The following GBP3 variants were observed in gnomAD, a reference collection of about 807,000 sequenced individuals.
GBP3 encodes guanylate-binding protein 3.
Under a neutral mutation model 62.4 loss-of-function variants are expected in GBP3, and 55 were observed. The observed-to-expected ratio is 0.88, with a 90% CI of 0.71 to 1.10. The LOEUF (loss-of-function observed/expected upper bound fraction) is 1.10, where lower values mean the gene tolerates loss of function less well. Among genes scored for constraint, GBP3 ranks in the 50% least tolerant of loss-of-function variants. GBP3 has a pLI of 0.00. For synonymous variants in GBP3, 208 were observed against 259.2 expected (o/e 0.80, Z 1.90); for missense variants, 605 against 690.6 (o/e 0.88, Z 1.39).
chr1:89,020,447 C>A, intron 2 of GBP3, 85 bp downstream of exon 2: 3 of 1,529,352 alleles, frequency 2.0e-6, no homozygotes, highest in Non-Finnish European at 2.7e-6. Context: ...CCAGTGCCAG[C>A]TTTCTCTCCT....
intron 3 of GBP3, among the ~76,000 whole-genome samples, chr1:89,015,030 T>A (rs1199034264): frequency 2.0e-5 from 3 of 152,206 alleles, no homozygotes; most frequent in African/African-American, 7.2e-5. Context: ...GCTCCCTTTA[T>A]GCATCTGTGT....
intron 6 of GBP3, 107 bp from the exon 7 acceptor site, chr1:89,012,134 G>A: frequency 9.0e-7 from 1 of 1,113,556 alleles, no homozygotes; most frequent in East Asian, 2.6e-5. Flanking sequence ...CAGCATCAAG[G>A]TCCTCAGAAT....
intron 9 of GBP3, 117 bp downstream of exon 9, chr1:89,009,275 C>A: frequency 1.4e-6 from 2 of 1,398,178 alleles, no homozygotes; most frequent in South Asian, 2.5e-5. Context: ...ACATGTCTTG[C>A]TTTAGTTTAT....
chr1:89,012,048 A>T (rs1312423519), intron 6 of GBP3, 21 bp from the exon 7 acceptor site: 3 of 1,447,754 alleles, frequency 2.1e-6, no homozygotes, highest in Non-Finnish European at 2.9e-6. Context: ...AGAAGAAATG[A>T]TAATGTTTCT....
intron 10 of GBP3, among the ~76,000 whole-genome samples, chr1:89,008,322 G>T (rs1678349240): frequency 6.6e-6 from 1 of 151,236 alleles, no homozygotes; most frequent in Non-Finnish European, 1.5e-5. Context: ...GGTAGCAGAA[G>T]ATAGGCAAGG....
At chr1:89,008,867 G>C (rs769259607) in intron 10 of GBP3, 80 bp downstream of exon 10, 1 of 1,600,920 alleles carries the variant, frequency 6.2e-7, no homozygotes, top group South Asian at 1.1e-5. Context: ...CTTTATGTTC[G>C]CTCTGCCATA....
At position 89,011,940 on chromosome 1, in the gene GBP3, T is replaced by G; in HGVS notation, c.956A>C (p.Gln319Pro). 5.5e-6 allele frequency: 8 copies of G among 1,462,530 alleles called. 2 individuals are homozygous for G. The highest frequency in any genetic ancestry group is 7.6e-6 in the Non-Finnish European group (8 of 1,055,280). The allele number at this position is 1,462,530 out of a possible 1,614,324, so 90.6% of individuals were successfully genotyped here. A position where few individuals can be genotyped will look rare whatever the true frequency, so the allele number is the denominator to read the frequency against. ...CMENAVLALAQIENSAAVQKA... is the reference protein window; with the variant it reads ...CMENAVLALAPIENSAAVQKA... Reference sequence around the variant, plus strand: ...TTGCACTGCGGCTGAGTTCTCTATCTGGGCCAAGGCCAGGACTGCGTTCTC... The same window carrying G: ...TTGCACTGCGGCTGAGTTCTCTATCGGGGCCAAGGCCAGGACTGCGTTCTC... The change falls in exon 7 of 11, where the codon CAG becomes CCG. Residue 319 changes from glutamine (Q) to proline (P), a missense_variant. Around this residue, in one of 3 missense-constraint regions of GBP3, gnomAD observed 137 missense variants for 224.7 expected, o/e 0.61. Transcript: ENST00000370481.
At chr1:89,019,355 C>G (rs1252583612) in intron 2 of GBP3, among the ~76,000 whole-genome samples, 5 of 152,276 alleles carry the variant, frequency 3.3e-5, no homozygotes, top group Non-Finnish European at 5.9e-5. Flanking sequence ...AAGGCACGAT[C>G]TTGGCTCACC....
intron 2 of GBP3, among the ~76,000 whole-genome samples, chr1:89,016,787 T>C (rs1372086408): frequency 2.0e-5 from 3 of 152,132 alleles, no homozygotes; most frequent in African/African-American, 7.2e-5. Flanking sequence ...GTTGTCCAAG[T>C]TGGTCTCAAA....
chr1:89,022,436 T>C (rs1289436433), intron 1 of GBP3, among the ~76,000 whole-genome samples: 1 of 152,230 alleles, frequency 6.6e-6, no homozygotes, highest in African/African-American at 2.4e-5. Context: ...TTAGTTGCTG[T>C]CTGCTGGTGC....
In GBP3 at chr1:89,007,467, T is replaced by G. The variant is rs1270991284; in HGVS notation, c.*257A>C. The G allele has an allele frequency of 5.8e-6, 2 of 344,932 alleles. No individual in the cohort carries two copies. Among genetic ancestry groups the G allele is most frequent in the Non-Finnish European group, 1.1e-5 (2 of 189,292 alleles). 21.4% of individuals were successfully genotyped at this position (344,932 alleles called of 1,614,324 possible). ...GACTTTCCTCAGTATCCACTGGTCG[T>G]CTGGAAGAATAAACTTCTGAGTGGT... On this transcript the variant is annotated 3_prime_UTR_variant, in exon 11 of 11. Coordinates refer to ENST00000370481, the MANE Select transcript of GBP3 (RefSeq NM_018284.3).
intron 6 of GBP3, among the ~76,000 whole-genome samples, 177 bp downstream of exon 6, chr1:89,013,008 T>C (rs964244977): frequency 9.9e-5 from 15 of 152,090 alleles, no homozygotes; most frequent in African/African-American, 3.6e-4. Context: ...TCATTTATTT[T>C]TGTATTTTTA....
chr1:89,014,763 T>C (rs1678793195), intron 3 of GBP3, 107 bp from the exon 4 acceptor site: 1 of 1,374,780 alleles, frequency 7.3e-7, no homozygotes, highest in Non-Finnish European at 1.0e-6. Context: ...CTTTTAAGAC[T>C]AATGACCTAT....
At chr1:89,020,186 C>A in intron 2 of GBP3, 1 of 422,686 alleles carries the variant, frequency 2.4e-6, no homozygotes, top group East Asian at 6.8e-5. Context: ...CTGTGGTGAG[C>A]TGAGATCTTG....
chr1:89,019,366 G>A (rs896001025), intron 2 of GBP3, among the ~76,000 whole-genome samples: 14 of 152,234 alleles, frequency 9.2e-5, no homozygotes, highest in African/African-American at 2.4e-4. Flanking sequence ...TTGGCTCACC[G>A]CAACCTCTGT....
At chr1:89,016,835 A>G (rs755290348) in intron 2 of GBP3, among the ~76,000 whole-genome samples, 1 of 152,216 alleles carries the variant, frequency 6.6e-6, no homozygotes, top group South Asian at 2.1e-4. Context: ...TCAGCTTCTC[A>G]AAGTGCTGGG....
rs1040153153 is a variant in GBP3, at chr1:89,007,488, G to A, written c.*236C>T. On this transcript the variant is annotated 3_prime_UTR_variant, in exon 11 of 11. Transcript: ENST00000370481. ...GTCGTCTGGAAGAATAAACTTCTGA[G>A]TGGTGGCAACTCATGATCCCTCCTC... 4 of 376,244 alleles carry A rather than the reference G, an allele frequency of 1.1e-5. No homozygotes were observed. The highest frequency in any genetic ancestry group is 8.4e-5 in the African/African-American group (4 of 47,464). The allele number at this position is 376,244 out of a possible 1,614,324, so 23.3% of individuals were successfully genotyped here.
intron 1 of GBP3, among the ~76,000 whole-genome samples, chr1:89,021,546 C>CACACA (rs1557734773): frequency 2.2e-4 from 19 of 86,014 alleles, no homozygotes; most frequent in Admixed American, 7.2e-4. Flanking sequence ...ACACACACAC[C>CACACA]CCAAAAAAAC....
rs1470024220 is a variant in GBP3, at chr1:89,012,561, A to AG, written c.869-535_869-534insC. Among the ~76,000 whole-genome samples, 2 of 139,158 alleles carry AG rather than the reference A, an allele frequency of 1.4e-5. 1 individual carries two copies. The allele number at this position is 139,158 out of a possible 152,430, so 91.3% of individuals were successfully genotyped here. On this transcript the variant is annotated intron_variant, in intron 6 of 10. Transcript: ENST00000370481. ...GTACATGTAAATATAAGCCTTTGAA[A>AG]TATAGCCATGTGAATTGACCTTTAA...
Sources: gnomAD v4.1 joint callset for allele counts (sites outside exome capture counted in the v4.1 genomes callset) on GRCh38, gnomAD v4.1.1 for gene constraint, gnomAD v4.1.1 regional missense constraint, MANE v1.5 for transcripts, NCBI Gene and HGNC (gene_info 2026-07-23, HGNC 2026-07-21) for gene names.